Variants in LRRC7 observed in about 807,000 individuals in gnomAD.
The protein encoded by LRRC7 is leucine rich repeat containing 7, also known as leucine-rich repeat-containing protein 7.
A neutral mutation model predicts 175.7 loss-of-function variants in LRRC7; 23 were observed. That is an observed-to-expected ratio of 0.13 (90% CI 0.09 to 0.19). The LOEUF (loss-of-function observed/expected upper bound fraction) is 0.19, where lower values mean the gene tolerates loss of function less well. LRRC7 is among the 10% of genes least tolerant of loss of function. The pLI is 1.00. For synonymous variants in LRRC7, 685 were observed against 680.9 expected, an observed-to-expected ratio of 1.01 and a Z score of -0.09; for missense variants, 1,354 against 1,904.7, an observed-to-expected ratio of 0.71 and a Z score of 5.38.
intron 1 of LRRC7, among the ~76,000 whole-genome samples, chr1:69,631,999 G>T (rs1188012076): frequency 6.6e-6 from 1 of 152,110 alleles, no homozygotes; most frequent in African/African-American, 2.4e-5. Context: ...CTGATTTAAA[G>T]TCTTTCCTCC....
rs1666922917 is a variant in LRRC7, at chr1:70,137,652, A to G, written c.*15765A>G. 6.6e-6 allele frequency among the ~76,000 whole-genome samples: 1 copy of G among 152,250 alleles called. No homozygotes were observed. Among genetic ancestry groups the G allele is most frequent in the African/African-American group, 2.4e-5 (1 of 41,466 alleles). ...CCTGAGATAAAATTTTCTAGGAAGT[A>G]TAAAAACTAAAGAATGCCTGGAACT... On this transcript the variant is annotated 3_prime_UTR_variant, in exon 27 of 27. Transcript: ENST00000651989.
intron 2 of LRRC7, among the ~76,000 whole-genome samples, chr1:69,736,686 T>C (rs1668152785): frequency 6.6e-6 from 1 of 152,114 alleles, no homozygotes; most frequent in South Asian, 2.1e-4. Flanking sequence ...TATTTGAATA[T>C]GAATTCACTT....
intron 7 of LRRC7, among the ~76,000 whole-genome samples, chr1:69,926,656 T>G (rs1446416613): frequency 6.6e-6 from 1 of 151,802 alleles, no homozygotes; most frequent in Admixed American, 6.6e-5. Flanking sequence ...TTTCCATTTG[T>G]TTGGTAGATC....
At chr1:69,882,438 C>G (rs1686713313) in intron 7 of LRRC7, among the ~76,000 whole-genome samples, 1 of 151,934 alleles carries the variant, frequency 6.6e-6, no homozygotes, top group Admixed American at 6.6e-5. Flanking sequence ...TCACAATAGC[C>G]AAAATATGGA....
At position 69,819,583 on chromosome 1, in the gene LRRC7, G is replaced by C. The variant is rs879882630; in HGVS notation, c.422-6165G>C. ...TCTCTCTCTCTCTCTCTCTCTGTGT[G>C]TGTGTGTGTGTGTGTGTGTGTGTGT... is the stretch of plus-strand genomic sequence containing the variant. On this transcript the variant is annotated intron_variant, in intron 4 of 26. Coordinates refer to ENST00000651989, the MANE Select transcript of LRRC7 (RefSeq NM_001370785.2). Among the ~76,000 whole-genome samples the C allele has an allele frequency of 1.9e-3, 241 of 128,666 alleles. 1 individual carries two copies. The highest frequency in any genetic ancestry group is 8.3e-3 in the African/African-American group (197 of 23,596). The allele number at this position is 128,666 out of a possible 152,430, so 84.4% of individuals were successfully genotyped here.
intron 2 of LRRC7, among the ~76,000 whole-genome samples, chr1:69,755,316 C>T (rs1279920441): frequency 6.7e-6 from 1 of 149,990 alleles, no homozygotes. Flanking sequence ...ATGAAGACTC[C>T]ACTAAACCAA....
At chr1:69,682,774 T>G (rs994099313) in intron 2 of LRRC7, among the ~76,000 whole-genome samples, 3 of 122,066 alleles carry the variant, frequency 2.5e-5, no homozygotes, top group Non-Finnish European at 5.6e-5. Flanking sequence ...AAGAAAGAGA[T>G]CATCTAATGC....
intron 7 of LRRC7, among the ~76,000 whole-genome samples, chr1:69,868,008 A>C (rs1685120668): frequency 6.6e-6 from 1 of 152,188 alleles, no homozygotes; most frequent in African/African-American, 2.4e-5. Flanking sequence ...AGAGAGGTCT[A>C]GAGTTAGAGG....
At chr1:69,573,519 CAT>C (rs1445039358) in intron 1 of LRRC7, among the ~76,000 whole-genome samples, 1 of 152,028 alleles carries the variant, frequency 6.6e-6, no homozygotes, top group Non-Finnish European at 1.5e-5. Flanking sequence ...TAGAATCTGT[CAT>C]ATAAAAGTAC....
In LRRC7 at chr1:69,594,894, C is replaced by T. The variant is rs777910949; in HGVS notation, c.2+26253C>T. Reference sequence around the variant, plus strand: ...GTTTGTTTGGCTGACTCTTACTCAACCTGGAAGACATGCTACCTAAACTAT... The same window carrying T: ...GTTTGTTTGGCTGACTCTTACTCAATCTGGAAGACATGCTACCTAAACTAT... On this transcript the variant is annotated intron_variant, in intron 1 of 26. Coordinates refer to ENST00000651989, the MANE Select transcript of LRRC7 (RefSeq NM_001370785.2). Among the ~76,000 whole-genome samples, 9 of 152,236 alleles carry T rather than the reference C, an allele frequency of 5.9e-5. 1 individual carries two copies. Among genetic ancestry groups the T allele is most frequent in the East Asian group, 5.8e-4 (3 of 5,184 alleles).
At chr1:69,872,230 G>A (rs1430438452) in intron 7 of LRRC7, among the ~76,000 whole-genome samples, 1 of 151,954 alleles carries the variant, frequency 6.6e-6, no homozygotes, top group South Asian at 2.1e-4. Flanking sequence ...AATAAATGTA[G>A]TACATAAAAA....
intron 24 of LRRC7, among the ~76,000 whole-genome samples, chr1:70,083,841 C>A: frequency 6.6e-6 from 1 of 152,126 alleles, no homozygotes; most frequent in South Asian, 2.1e-4. Context: ...GTCTTGAACC[C>A]ACCACTTCTC....
At chr1:69,720,721 C>T (rs1445079224) in intron 2 of LRRC7, among the ~76,000 whole-genome samples, 1 of 151,698 alleles carries the variant, frequency 6.6e-6, no homozygotes, top group Non-Finnish European at 1.5e-5. Flanking sequence ...AGATTACATT[C>T]CATTGTCTTC....
At chr1:69,704,061 A>G (rs1199155191) in intron 2 of LRRC7, among the ~76,000 whole-genome samples, 1 of 152,018 alleles carries the variant, frequency 6.6e-6, no homozygotes, top group Non-Finnish European at 1.5e-5. Flanking sequence ...TATAAACTAT[A>G]CTTTTCCTTC....
intron 8 of LRRC7, among the ~76,000 whole-genome samples, chr1:69,962,487 C>T (rs148337967): frequency 0.015 from 2,296 of 152,194 alleles, 57 homozygotes; most frequent in African/African-American, 0.051. Flanking sequence ...TGGGTATATA[C>T]CCAAAGGAAT....
chr1:69,644,896 C>T (rs893445195), intron 1 of LRRC7, among the ~76,000 whole-genome samples: 2 of 151,832 alleles, frequency 1.3e-5, no homozygotes, highest in African/African-American at 4.8e-5. Flanking sequence ...AAAATAAATG[C>T]AGAAAAAAGC....
Position 70,000,338 on chromosome 1 carries a change from A to G in LRRC7, c.1004+5705A>G, listed in dbSNP as rs1381593849. ...AGATGCCATTGTGTTACAATTGCTT[A>G]CAGTATTCAGTAAATCACATGTCTT... On this transcript the variant is annotated intron_variant, in intron 11 of 26. Transcript: ENST00000651989. Among the ~76,000 whole-genome samples, 3 of 152,318 alleles carry G rather than the reference A, an allele frequency of 2.0e-5. 1 individual carries two copies. In the South Asian group the frequency reaches 6.2e-4, roughly 32 times the overall value.
intron 2 of LRRC7, 110 bp downstream of exon 2, chr1:69,678,588 T>C (rs1010611289): frequency 6.1e-5 from 44 of 716,332 alleles, no homozygotes; most frequent in Non-Finnish European, 8.8e-5. Flanking sequence ...GAATATTTGT[T>C]GAGTCGAGTT....
chr1:69,725,548 A>G (rs1403295283), intron 2 of LRRC7, among the ~76,000 whole-genome samples: 1 of 152,236 alleles, frequency 6.6e-6, no homozygotes, highest in Non-Finnish European at 1.5e-5. Context: ...TTGAAAATCT[A>G]AAGAATGAAA....
Sources: gnomAD v4.1 joint callset for allele counts (sites outside exome capture counted in the v4.1 genomes callset) on GRCh38, gnomAD v4.1.1 for gene constraint, MANE v1.5 for transcripts, NCBI Gene and HGNC (gene_info 2026-07-23, HGNC 2026-07-21) for gene names.